PREX1: variants seen among roughly 807,000 people sequenced by gnomAD.
The protein encoded by PREX1 is phosphatidylinositol-3,4,5-trisphosphate dependent Rac exchange factor 1, also known as phosphatidylinositol 3,4,5-trisphosphate-dependent Rac exchanger 1 protein.
A neutral mutation model predicts 198.3 loss-of-function variants in PREX1; 41 were observed. The ratio of observed to expected loss-of-function variants is 0.21; its 90% CI spans 0.16 to 0.27. The LOEUF (loss-of-function observed/expected upper bound fraction) is 0.27, where lower values mean the gene tolerates loss of function less well. Ranked by LOEUF, PREX1 falls within the 10% of genes least tolerant of loss-of-function variation. The probability of loss-of-function intolerance (pLI) is 1.00; values close to 1 mark genes in which losing one functional copy is unlikely to be tolerated. For missense variants in PREX1, 1,620 were observed against 2,200.7 expected, an observed-to-expected ratio of 0.74 and a Z score of 5.28; for synonymous variants, 843 against 887.2, an observed-to-expected ratio of 0.95 and a Z score of 0.89.
At position 48,774,654 on chromosome 20, in the gene PREX1, A is replaced by C. The variant is rs142400094; in HGVS notation, c.220-26774T>G. 8.5e-5 allele frequency among the ~76,000 whole-genome samples: 13 copies of C among 152,300 alleles called. No individual in the cohort carries two copies. In the East Asian group the frequency reaches 2.5e-3, roughly 29 times the overall value. On this transcript the variant is annotated intron_variant, in intron 1 of 39. Transcript: ENST00000371941. ...ATAAAGATGCCCACCTCTCTCCCCC[A>C]ACCTGGGCACCTCCTTCCAGCCTCA... is the stretch of plus-strand genomic sequence containing the variant.
chr20:48,627,677 T>C (rs1426102933), intron 38 of PREX1, 62 bp from the exon 39 acceptor site: 1 of 495,138 alleles, frequency 2.0e-6, no homozygotes, highest in Admixed American at 3.8e-5. Context: ...GGAAGCACAC[T>C]GGGGGGTGGG....
At chr20:48,781,278 T>C (rs2090288689) in intron 1 of PREX1, among the ~76,000 whole-genome samples, 3 of 152,222 alleles carry the variant, frequency 2.0e-5, no homozygotes, top group Admixed American at 2.0e-4. Flanking sequence ...AAGTACTTTG[T>C]ACTTAGGTAA....
At chr20:48,777,315 G>A (rs1361368743) in intron 1 of PREX1, among the ~76,000 whole-genome samples, 3 of 152,044 alleles carry the variant, frequency 2.0e-5, no homozygotes, top group Non-Finnish European at 4.4e-5. Context: ...GGAGCCCCCG[G>A]CCACACACCA....
At chr20:48,689,412 G>A (rs2089804897) in intron 9 of PREX1, among the ~76,000 whole-genome samples, 1 of 152,214 alleles carries the variant, frequency 6.6e-6, no homozygotes, top group Admixed American at 6.5e-5. Context: ...CTGAGGTCCA[G>A]AGAAGTTCGG....
At chr20:48,754,484 C>T (rs2090148200) in intron 1 of PREX1, among the ~76,000 whole-genome samples, 1 of 152,090 alleles carries the variant, frequency 6.6e-6, no homozygotes, top group African/African-American at 2.4e-5. Flanking sequence ...CCCATGGCTG[C>T]TGTTGCCTGG....
the PREX1 span, among the ~76,000 whole-genome samples, chr20:48,838,698 C>T: frequency 2.6e-5 from 4 of 151,992 alleles, no homozygotes; most frequent in Non-Finnish European, 4.4e-5. Context: ...ACTGTGATCC[C>T]AATATTGTCA....
intron 1 of PREX1, among the ~76,000 whole-genome samples, chr20:48,767,460 C>A (rs2090213945): frequency 6.6e-6 from 1 of 152,120 alleles, no homozygotes; most frequent in Non-Finnish European, 1.5e-5. Flanking sequence ...CAAGCTGGTT[C>A]AAGTCCCCAC....
intron 5 of PREX1, among the ~76,000 whole-genome samples, chr20:48,719,772 G>A (rs962181322): frequency 6.6e-6 from 1 of 152,082 alleles, no homozygotes; most frequent in Non-Finnish European, 1.5e-5. Flanking sequence ...AACCACTGAA[G>A]CCAAGCACTT....
At chr20:48,733,368 C>T (rs1481439304) in intron 4 of PREX1, among the ~76,000 whole-genome samples, 1 of 152,174 alleles carries the variant, frequency 6.6e-6, no homozygotes, top group Non-Finnish European at 1.5e-5. Context: ...ATCAGAACAC[C>T]ACCACCAATT....
At chr20:48,727,192 T>C (rs1209514065) in intron 4 of PREX1, among the ~76,000 whole-genome samples, 1 of 152,192 alleles carries the variant, frequency 6.6e-6, no homozygotes, top group Non-Finnish European at 1.5e-5. Context: ...AACCTTCAAC[T>C]GTTACTGAAA....
rs2090259080 is a variant in PREX1 at position 48,775,909 on chromosome 20, T to TG, written c.220-28030_220-28029insC. ...CTTTATCAGCAGTATGAAAATGGAC[T>TG]AATACAGGCGGTTTTGGAAATCTGG... On this transcript the variant is annotated intron_variant, in intron 1 of 39. Transcript: ENST00000371941. Among the ~76,000 whole-genome samples the TG allele has an allele frequency of 2.0e-5, 3 of 152,254 alleles. No homozygotes were observed. The South Asian group carries it at 6.2e-4, about 32-fold the overall frequency.
intron 13 of PREX1, 97 bp downstream of exon 13, chr20:48,679,263 A>G (rs2089730332): frequency 2.9e-6 from 3 of 1,034,148 alleles, no homozygotes; most frequent in Admixed American, 2.1e-5. Context: ...TTTAATGGAG[A>G]AGGAGACTGG....
intron 1 of PREX1, among the ~76,000 whole-genome samples, chr20:48,757,650 G>A (rs1426919768): frequency 2.6e-5 from 4 of 152,010 alleles, no homozygotes; most frequent in Admixed American, 6.6e-5. Flanking sequence ...CCCACGGTGG[G>A]AGCCCCCGGC....
chr20:48,863,399 T>C, the PREX1 span, among the ~76,000 whole-genome samples: 2 of 152,216 alleles, frequency 1.3e-5, no homozygotes, highest in South Asian at 4.1e-4. Flanking sequence ...TTAGGTAGAA[T>C]AGTTTCACTG....
intron 2 of PREX1, among the ~76,000 whole-genome samples, chr20:48,747,007 CA>C (rs1240207658): frequency 6.5e-5 from 8 of 123,172 alleles, no homozygotes; most frequent in South Asian, 5.5e-4. Context: ...CACACACACA[CA>C]CACCCCACCC....
At chr20:48,765,834 C>A (rs1299254802) in intron 1 of PREX1, among the ~76,000 whole-genome samples, 1 of 152,184 alleles carries the variant, frequency 6.6e-6, no homozygotes, top group Non-Finnish European at 1.5e-5. Context: ...AGGAACCGGG[C>A]CACACAGCAG....
chr20:48,874,552 C>T, the PREX1 span, among the ~76,000 whole-genome samples: 1 of 151,874 alleles, frequency 6.6e-6, no homozygotes, highest in Admixed American at 6.6e-5. Flanking sequence ...GCCAAAGAAA[C>T]CAGGAGCCTC....
rs1601060757 is a variant in PREX1 at position 48,666,842 on chromosome 20, T to G, written c.1666-487A>C. 6.6e-6 allele frequency among the ~76,000 whole-genome samples: 1 copy of G among 152,116 alleles called. No homozygotes were observed. The highest frequency in any genetic ancestry group is 2.4e-5 in the African/African-American group (1 of 41,418). On this transcript the variant is annotated intron_variant, in intron 14 of 39. Coordinates refer to ENST00000371941, the MANE Select transcript of PREX1 (RefSeq NM_020820.4). This position sits in a 1 kb window ranked among gnomAD's most constrained non-coding sequence, Gnocchi z 4.3. ...GCCTGGCCCCATTTGTGATTATTAT[T>G]AATAAACTCCAAACAAGACTATTTT...
the PREX1 span, among the ~76,000 whole-genome samples, chr20:48,862,670 G>A: frequency 6.7e-6 from 1 of 149,468 alleles, no homozygotes; most frequent in African/African-American, 2.5e-5. Context: ...AAAAATCAAA[G>A]CACACATTAA....
Sources: allele counts gnomAD v4.1 joint callset (sites outside exome capture counted in the v4.1 genomes callset), GRCh38; gene constraint gnomAD v4.1.1; non-coding constraint Gnocchi (gnomAD v3.1); transcripts MANE v1.5; gene names NCBI Gene and HGNC (gene_info 2026-07-23, HGNC 2026-07-21).